Variants in FRMD4B observed in about 807,000 individuals in gnomAD.
FRMD4B encodes FERM domain containing 4B, also known as FERM domain-containing protein 4B.
FRMD4B carries 74 observed loss-of-function variants against 141.5 expected under a neutral mutation model. The ratio of observed to expected loss-of-function variants is 0.52; its 90% CI spans 0.43 to 0.63. The LOEUF is 0.63. Among genes scored for constraint, FRMD4B ranks in the 30% least tolerant of loss-of-function variants. The pLI is 0.00. For missense variants in FRMD4B, 1,366 were observed against 1,253.4 expected, an observed-to-expected ratio of 1.09 and a Z score of -1.36; for synonymous variants, 506 against 467.9, an observed-to-expected ratio of 1.08 and a Z score of -1.05.
intron 5 of FRMD4B, among the ~76,000 whole-genome samples, chr3:69,258,642 T>C (rs1442375884): frequency 4.6e-5 from 7 of 152,222 alleles, no homozygotes; most frequent in Admixed American, 1.3e-4. Context: ...GAGCCTTTGT[T>C]TACTTGCCTA....
intron 4 of FRMD4B, among the ~76,000 whole-genome samples, chr3:69,298,243 T>C (rs1259260886): frequency 6.6e-6 from 1 of 152,212 alleles, no homozygotes; most frequent in Non-Finnish European, 1.5e-5. Context: ...AAATAAAATA[T>C]TTTCTTACAT....
intron 7 of FRMD4B, among the ~76,000 whole-genome samples, chr3:69,237,931 C>T (rs2093356824): frequency 6.6e-6 from 1 of 152,158 alleles, no homozygotes; most frequent in Admixed American, 6.5e-5. Context: ...AGGGTTTCAC[C>T]ATGTTGCCCA....
rs957392460 is a variant in FRMD4B, at chr3:69,454,292, C to A, written c.-128-21531G>T. Among the ~76,000 whole-genome samples the A allele has an allele frequency of 3.9e-5, 6 of 152,376 alleles. No individual in the cohort carries two copies. In the East Asian group the frequency reaches 1.2e-3, roughly 29 times the overall value. On this transcript the variant is annotated intron_variant, in intron 1 of 5. Coordinates refer to the FRMD4B transcript ENST00000459638. The stretch of plus-strand genomic sequence containing the variant: ...GAGGTGACAGCGTGCTGGCAGCCCT[C>A]GCTTGCTCTCTGCCCCTCCTCGGCC...
chr3:69,305,147 G>A (rs7653552), intron 3 of FRMD4B, among the ~76,000 whole-genome samples: 4 of 152,124 alleles, frequency 2.6e-5, no homozygotes, highest in Non-Finnish European at 5.9e-5. Flanking sequence ...ACCCTACCCA[G>A]TGGACTTGTA....
intron 2 of FRMD4B, among the ~76,000 whole-genome samples, chr3:69,399,899 G>A (rs1704531495): frequency 6.6e-6 from 1 of 152,128 alleles, no homozygotes; most frequent in Admixed American, 6.5e-5. Context: ...TATTGTCATT[G>A]CTTAGTATTA....
intron 1 of FRMD4B, among the ~76,000 whole-genome samples, chr3:69,435,584 G>T (rs62252264): frequency 3.8e-4 from 58 of 152,070 alleles, no homozygotes; most frequent in Middle Eastern, 3.4e-3. Flanking sequence ...AAACTCTCTG[G>T]TCCACAGGGC....
intron 7 of FRMD4B, among the ~76,000 whole-genome samples, chr3:69,240,579 T>C (rs898388834): frequency 6.6e-6 from 1 of 152,064 alleles, no homozygotes; most frequent in African/African-American, 2.4e-5. Flanking sequence ...AAGAAATGTG[T>C]TTCTCTTCTG....
chr3:69,337,326 A>T (rs1243255307), intron 1 of FRMD4B, among the ~76,000 whole-genome samples: 5 of 152,216 alleles, frequency 3.3e-5, no homozygotes, highest in South Asian at 2.1e-4. Flanking sequence ...TAAAGACTTA[A>T]ATGTTAGACC....
chr3:69,297,321 G>A (rs924367070), intron 4 of FRMD4B, among the ~76,000 whole-genome samples: 3 of 152,050 alleles, frequency 2.0e-5, no homozygotes, highest in Non-Finnish European at 2.9e-5. Flanking sequence ...GTCTGCCTCC[G>A]GGTTTCCTAC....
chr3:69,388,101 G>T (rs539840055), upstream of FRMD4B, among the ~76,000 whole-genome samples: 13 of 151,174 alleles, frequency 8.6e-5, no homozygotes, highest in African/African-American at 3.2e-4. Flanking sequence ...TTTTTTAAAC[G>T]ATGCAGTTCG....
intron 9 of FRMD4B, among the ~76,000 whole-genome samples, chr3:69,220,949 A>G (rs73097738): frequency 0.12 from 17,619 of 151,890 alleles, 1,147 homozygotes; most frequent in African/African-American, 0.17. Context: ...AATAATTTTA[A>G]AAGTTTAGTG....
Position 69,524,423 on chromosome 3 carries a change from C to T in FRMD4B, c.-129+17783G>A, listed in dbSNP as rs77375256. 5.6e-3 allele frequency among the ~76,000 whole-genome samples: 853 copies of T among 152,338 alleles called. 5 individuals are homozygous for T. The highest frequency in any genetic ancestry group is 0.011 in the South Asian group (51 of 4,828). On this transcript the variant is annotated intron_variant, in intron 1 of 5. Transcript: ENST00000459638. ...CAATCTCCAGTGATCTTTCAGTTAA[C>T]TCCAAATTAACTAAAGCTGTCATGT...
intron 1 of FRMD4B, among the ~76,000 whole-genome samples, chr3:69,540,613 TAA>T (rs1157655761): frequency 5.1e-3 from 71 of 13,986 alleles, no homozygotes; most frequent in Admixed American, 5.7e-3. Flanking sequence ...ACTCTGTCTC[TAA>T]AAAAAAAAAA....
At chr3:69,257,465 G>A (rs1437011225) in intron 5 of FRMD4B, among the ~76,000 whole-genome samples, 2 of 152,142 alleles carry the variant, frequency 1.3e-5, no homozygotes, top group South Asian at 2.1e-4. Flanking sequence ...AGTTATGTAA[G>A]TGATTGTAAC....
At position 69,408,819 on chromosome 3, in the gene FRMD4B, T is replaced by G. The variant is rs1482278061; in HGVS notation, c.-1+23815A>C. 2.0e-5 allele frequency among the ~76,000 whole-genome samples: 3 copies of G among 152,044 alleles called. No individual in the cohort carries two copies. The East Asian group carries it at 5.8e-4, about 29-fold the overall frequency. ...TTTCAAGCAGGGAAGAGTCGACGAC[T>G]GGAGGGCTCACTCCCAAGTTGCACC... is the stretch of plus-strand genomic sequence containing the variant. On this transcript the variant is annotated intron_variant, in intron 2 of 5. Transcript: ENST00000459638.
At chr3:69,533,487 C>T (rs1269273016) in intron 1 of FRMD4B, among the ~76,000 whole-genome samples, 5 of 152,198 alleles carry the variant, frequency 3.3e-5, no homozygotes, top group Non-Finnish European at 2.9e-5. Flanking sequence ...TTGGAAAGTA[C>T]TTGGCAAATG....
At chr3:69,250,217 A>G in intron 5 of FRMD4B, 118 bp from the exon 6 acceptor site, 4 of 778,006 alleles carry the variant, frequency 5.1e-6, no homozygotes, top group Non-Finnish European at 9.4e-6. Flanking sequence ...TCAAATGCAG[A>G]TCATACCATT....
intron 1 of FRMD4B, among the ~76,000 whole-genome samples, chr3:69,522,304 C>T (rs1279255976): frequency 1.3e-5 from 2 of 152,014 alleles, no homozygotes; most frequent in Admixed American, 1.3e-4. Context: ...GTGAGTCAGC[C>T]AAGCCTGGGG....
At chr3:69,361,464 C>G (rs570979593) in intron 1 of FRMD4B, among the ~76,000 whole-genome samples, 3 of 152,000 alleles carry the variant, frequency 2.0e-5, no homozygotes, top group East Asian at 1.9e-4. Flanking sequence ...CACATCCCCC[C>G]CAAGATATAA....
Sources: gnomAD v4.1 joint callset for allele counts (sites outside exome capture counted in the v4.1 genomes callset) on GRCh38, gnomAD v4.1.1 for gene constraint, MANE v1.5 for transcripts, NCBI Gene and HGNC (gene_info 2026-07-23, HGNC 2026-07-21) for gene names.